ADK: variants seen among roughly 807,000 people sequenced by gnomAD.
ADK encodes the protein N6,N6-dimethyladenosine kinase.
A neutral mutation model predicts 44.7 loss-of-function variants in ADK; 24 were observed. The ratio of observed to expected loss-of-function variants is 0.54; its 90% confidence interval spans 0.39 to 0.76. The LOEUF (loss-of-function observed/expected upper bound fraction) is 0.76. Among genes scored for constraint, ADK ranks in the 30% least tolerant of loss-of-function variants. ADK has a pLI of 0.00. For missense variants in ADK, 321 were observed against 425.1 expected, an observed-to-expected ratio of 0.76 and a Z score of 2.15; for synonymous variants, 128 against 142.6, an observed-to-expected ratio of 0.90 and a Z score of 0.73.
intron 10 of ADK, among the ~76,000 whole-genome samples, chr10:74,690,962 T>C (rs1477509521): frequency 6.6e-6 from 1 of 152,222 alleles, no homozygotes; most frequent in East Asian, 1.9e-4. Flanking sequence ...GAAGCAGTCA[T>C]GGCATGAGTC....
At chr10:74,679,941 C>G (rs1342879708) in intron 10 of ADK, among the ~76,000 whole-genome samples, 14 of 143,124 alleles carry the variant, frequency 9.8e-5, no homozygotes, top group South Asian at 4.6e-4. Context: ...CTGGGCGACA[C>G]AGCAAGACTC....
intron 4 of ADK, among the ~76,000 whole-genome samples, chr10:74,337,501 T>C (rs559615591): frequency 7.3e-4 from 111 of 152,362 alleles, no homozygotes; most frequent in African/African-American, 1.4e-3. Context: ...CAAAGGATAC[T>C]GTACAGACAC....
intron 4 of ADK, chr10:74,371,473 A>G: frequency 1.5e-6 from 1 of 659,940 alleles, no homozygotes. Flanking sequence ...CACTACCCAC[A>G]TAGACGTCCA....
intron 9 of ADK, among the ~76,000 whole-genome samples, chr10:74,665,746 AGAGAGAGAG>A (rs1854925749): frequency 1.2e-5 from 1 of 85,006 alleles, no homozygotes; most frequent in African/African-American, 5.4e-5. Context: ...TGAGAGAGAG[AGAGAGAGAG>A]AGAGAGAGAG....
chr10:74,413,020 T>C (rs1315864096), intron 6 of ADK, among the ~76,000 whole-genome samples: 1 of 151,946 alleles, frequency 6.6e-6, no homozygotes, highest in Admixed American at 6.5e-5. Flanking sequence ...ATTGCGCCAT[T>C]GCACTCCAGC....
intron 5 of ADK, among the ~76,000 whole-genome samples, chr10:74,397,668 C>G (rs1301862026): frequency 6.6e-6 from 1 of 151,818 alleles, no homozygotes. Context: ...TTCCTGAGTC[C>G]CTAGGACTAT....
intron 1 of ADK, among the ~76,000 whole-genome samples, chr10:74,167,320 T>C (rs1199969139): frequency 6.6e-6 from 1 of 152,226 alleles, no homozygotes; most frequent in Non-Finnish European, 1.5e-5. Flanking sequence ...AAATGTATTT[T>C]TCACACAGTT....
At chr10:74,699,775 G>A (rs1856350558) in intron 10 of ADK, among the ~76,000 whole-genome samples, 1 of 152,160 alleles carries the variant, frequency 6.6e-6, no homozygotes, top group Non-Finnish European at 1.5e-5. Flanking sequence ...GTTCTTTAAA[G>A]ATATATAAAA....
At chr10:74,664,234 T>G (rs1397265914) in intron 9 of ADK, among the ~76,000 whole-genome samples, 1 of 152,194 alleles carries the variant, frequency 6.6e-6, no homozygotes, top group Non-Finnish European at 1.5e-5. Context: ...TGTTTACCAA[T>G]ATAGAAAGAT....
intron 7 of ADK, among the ~76,000 whole-genome samples, chr10:74,556,862 C>G (rs146517073): frequency 6.6e-6 from 1 of 152,012 alleles, no homozygotes; most frequent in Admixed American, 6.6e-5. Flanking sequence ...GGTATCAGGC[C>G]GTATTTATGC....
intron 9 of ADK, among the ~76,000 whole-genome samples, chr10:74,652,231 A>G (rs1012670424): frequency 4.6e-5 from 7 of 151,452 alleles, no homozygotes; most frequent in East Asian, 2.0e-4. Context: ...TTTAGTGGAG[A>G]CAGGGTTCCA....
chr10:74,285,422 G>C (rs192184032), intron 3 of ADK, among the ~76,000 whole-genome samples: 5 of 152,302 alleles, frequency 3.3e-5, no homozygotes, highest in Admixed American at 6.5e-5. Context: ...ACTAAAGTTG[G>C]AGAACAGCTC....
intron 6 of ADK, among the ~76,000 whole-genome samples, chr10:74,488,243 C>CTA (rs1847337792): frequency 6.6e-6 from 1 of 151,704 alleles, no homozygotes; most frequent in South Asian, 2.1e-4. Context: ...AGATCCTTGA[C>CTA]TATATATTAG....
intron 3 of ADK, among the ~76,000 whole-genome samples, chr10:74,294,973 A>G (rs546188332): frequency 5.0e-4 from 76 of 152,072 alleles, no homozygotes; most frequent in Non-Finnish European, 9.7e-4. Context: ...CTCCCACCTC[A>G]GCCTCCTCAG....
At chr10:74,654,276 G>T (rs1458835471) in intron 9 of ADK, among the ~76,000 whole-genome samples, 1 of 152,154 alleles carries the variant, frequency 6.6e-6, no homozygotes, top group African/African-American at 2.4e-5. Context: ...TTGGGACCAG[G>T]CCGCTAAAAA....
At chr10:74,522,328 G>GTA (rs1483945664) in intron 6 of ADK, among the ~76,000 whole-genome samples, 1 of 152,142 alleles carries the variant, frequency 6.6e-6, no homozygotes, top group African/African-American at 2.4e-5. Context: ...TGGCCACCAG[G>GTA]TATAGGACAG....
At chr10:74,687,743 C>G (rs533436364) in intron 10 of ADK, among the ~76,000 whole-genome samples, 13 of 152,280 alleles carry the variant, frequency 8.5e-5, no homozygotes, top group Admixed American at 8.5e-4. Flanking sequence ...CTCTCCAAAC[C>G]GTCAGTGAGT....
chr10:74,465,524 T>C (rs922367969), intron 6 of ADK, among the ~76,000 whole-genome samples: 9 of 152,166 alleles, frequency 5.9e-5, no homozygotes, highest in Non-Finnish European at 7.3e-5. Flanking sequence ...CTCACTGTTA[T>C]ATGGACAAAA....
At chr10:74,285,899 T>C (rs1294947836) in intron 3 of ADK, among the ~76,000 whole-genome samples, 1 of 152,204 alleles carries the variant, frequency 6.6e-6, no homozygotes, top group Non-Finnish European at 1.5e-5. Context: ...TTTAATTTAC[T>C]GTACTGTACT....
Sources: allele counts gnomAD v4.1 joint callset (sites outside exome capture counted in the v4.1 genomes callset), GRCh38; gene constraint gnomAD v4.1.1; transcripts MANE v1.5; gene names NCBI Gene and HGNC (gene_info 2026-07-23, HGNC 2026-07-21).